Variants in ZC3H4 observed in about 807,000 individuals in gnomAD.
The protein encoded by ZC3H4 is zinc finger CCCH-type containing 4.
In ZC3H4, 13 loss-of-function variants were observed where a neutral mutation model predicts 108.3. That is an observed-to-expected ratio of 0.12 (90% CI 0.08 to 0.19). ZC3H4 has a LOEUF of 0.19. Among genes scored for constraint, ZC3H4 ranks in the 10% least tolerant of loss-of-function variants. The probability of loss-of-function intolerance (pLI) is 1.00; values close to 1 mark genes in which losing one functional copy is unlikely to be tolerated. For missense variants in ZC3H4, 1,734 were observed against 1,838.8 expected, an observed-to-expected ratio of 0.94 and a Z score of 1.04; for synonymous variants, 917 against 749.6, an observed-to-expected ratio of 1.22 and a Z score of -3.65.
intron 2 of ZC3H4, among the ~76,000 whole-genome samples, chr19:47,103,762 T>TAAAAA (rs748735701): frequency 5.9e-4 from 64 of 108,444 alleles, no homozygotes; most frequent in African/African-American, 2.3e-3. Context: ...CCGTCTCTAC[T>TAAAAA]AAAAAAAAAA....
chr19:47,066,623 G>A lies in ZC3H4; in HGVS notation c.3645C>T (p.Tyr1215=), dbSNP rs781407092. The change falls in exon 15 of 15, where the codon TAC becomes TAT. Residue 1215 remains tyrosine, a synonymous_variant. Coordinates refer to ENST00000253048, the MANE Select transcript of ZC3H4 (RefSeq NM_015168.2). ...TGGGCCGGGGCCGGTTGTAGCTGTT[G>A]TATCTGTCCGTGGGGGTGCCCCCAT... The part of the protein sequence containing the change: ...GADGGTPTDR[Y]NSYNRPRPKA... 6 of 1,610,992 alleles carry A rather than the reference G, an allele frequency of 3.7e-6. No homozygotes were observed. The highest frequency in any genetic ancestry group is 2.2e-5 in the East Asian group (1 of 44,834).
chr19:47,087,873 C>CA (rs1044359137), intron 5 of ZC3H4, among the ~76,000 whole-genome samples: 11 of 150,780 alleles, frequency 7.3e-5, no homozygotes, highest in African/African-American at 2.2e-4. Context: ...GACTCTGTCT[C>CA]AAAAAAAATA....
Position 47,090,164 on chromosome 19 carries a change from T to C in ZC3H4, c.518A>G (p.His173Arg). Residue 173 changes from histidine to arginine, a missense_variant, in exon 5 of 15, where the codon CAT becomes CGT. Coordinates refer to ENST00000253048, the MANE Select transcript of ZC3H4 (RefSeq NM_015168.2). Reference sequence around the variant, plus strand: ...TGCCTTCTTGGGCAGGGGCGTGGCATGCGATGGGGGGTACTGCTGGTGGGA... The same window carrying C: ...TGCCTTCTTGGGCAGGGGCGTGGCACGCGATGGGGGGTACTGCTGGTGGGA... ...APSHQQYPPS[H>R]ATPLPKKAYS... 2 of 1,614,146 alleles carry C rather than the reference T, an allele frequency of 1.2e-6. No individual in the cohort carries two copies. Among genetic ancestry groups the C allele is most frequent in the East Asian group, 2.2e-5 (1 of 44,880 alleles).
rs201967618 is a variant in ZC3H4 at position 47,067,202 on chromosome 19, G to A, written c.3066C>T (p.Asn1022=). 2.4e-3 allele frequency: 3,867 copies of A among 1,610,494 alleles called. 8 individuals carry two copies. Among genetic ancestry groups the A allele is most frequent in the Non-Finnish European group, 2.8e-3 (3,260 of 1,178,384 alleles). Residue 1022 remains asparagine (N), a synonymous_variant, in exon 15 of 15, where the codon AAC becomes AAT. Coordinates refer to ENST00000253048, the MANE Select transcript of ZC3H4 (RefSeq NM_015168.2). This position sits in a 1 kb window ranked among gnomAD's most constrained non-coding sequence, Gnocchi z 6.4. ...LHRAATAGPP[N]ARQRPGASTD... ...TGGAGGCGCCCGGGCGCTGCCGGGCGTTGGGGGGCCCTGCCGTGGCAGCGC... is the reference window on the plus strand; with the variant it reads ...TGGAGGCGCCCGGGCGCTGCCGGGCATTGGGGGGCCCTGCCGTGGCAGCGC...
intron 2 of ZC3H4, among the ~76,000 whole-genome samples, chr19:47,107,936 C>G (rs1023670872): frequency 4.6e-5 from 7 of 152,178 alleles, no homozygotes; most frequent in Admixed American, 3.9e-4. Context: ...TTGGCTCCCC[C>G]CAATCAATCT....
Position 47,085,198 on chromosome 19 carries a change from G to A in ZC3H4, c.968-3C>T, listed in dbSNP as rs1220028488. The stretch of plus-strand genomic sequence containing the variant: ...CCTGCCACGGCCTCGACTTAGCCCT[G>A]TGGAGGGGAGATTGTGTGAAGACCT... On this transcript the variant is annotated splice_polypyrimidine_tract_variant and splice_region_variant and intron_variant, in intron 7 of 14. Transcript: ENST00000253048. 6.2e-7 allele frequency: 1 copy of A among 1,601,154 alleles called. No homozygotes were observed.
chr19:47,105,482 C>G (rs537470077), intron 2 of ZC3H4, among the ~76,000 whole-genome samples: 1 of 152,160 alleles, frequency 6.6e-6, no homozygotes, highest in African/African-American at 2.4e-5. Flanking sequence ...CGCCTGTAAT[C>G]CCAGCTACTC....
In ZC3H4 at chr19:47,094,730, GGGAGGACATGGGGGCCAT is replaced by G. The variant is rs2057794009; in HGVS notation, c.162-140_162-123del. 5.5e-6 allele frequency: 5 copies of G among 911,628 alleles called. No individual in the cohort carries two copies. The East Asian group carries it at 1.2e-4, about 22-fold the overall frequency. The allele number at this position is 911,628 out of a possible 1,614,324, so 56.5% of individuals were successfully genotyped here. Reference sequence around the variant, plus strand: ...ACTGCTGTGAGCGAAGTGAGACCCTGGGAGGACATGGGGGCCATGGCCTCTTGTTCCATCCCTTATCCT... The same window carrying G: ...ACTGCTGTGAGCGAAGTGAGACCCTGGGCCTCTTGTTCCATCCCTTATCCT... On this transcript the variant is annotated intron_variant, in intron 2 of 14. Coordinates refer to ENST00000253048, the MANE Select transcript of ZC3H4 (RefSeq NM_015168.2).
In ZC3H4 at chr19:47,072,758, TG is replaced by T. The variant is rs771188880; in HGVS notation, c.1441-46del. On this transcript the variant is annotated intron_variant, in intron 11 of 14. Transcript: ENST00000253048. The surrounding 1 kb of genome is among the most constrained non-coding windows in gnomAD (Gnocchi z 5.6). Reference sequence around the variant, plus strand: ...AAAGAAGGTGTGGACGGGGTCAGGATGGAAACGGACCTCTCCAGGTCTGAGA... The same window carrying T: ...AAAGAAGGTGTGGACGGGGTCAGGATGAAACGGACCTCTCCAGGTCTGAGA... The T allele has an allele frequency of 6.2e-7, 1 of 1,606,902 alleles. No homozygotes were observed. The highest frequency in any genetic ancestry group is 1.1e-5 in the South Asian group (1 of 90,528).
chr19:47,094,530 C>G lies in ZC3H4; in HGVS notation c.240G>C (p.Glu80Asp). The change falls in exon 3 of 15, where the codon GAG (glutamate) becomes GAC (aspartate). Residue 80 changes from glutamate to aspartate, a missense_variant. By Grantham distance (45) the Glu-to-Asp change is conservative. Transcript: ENST00000253048. The stretch of plus-strand genomic sequence containing the variant: ...TCTCCCCCTTTTCTTTCCGGCTTCT[C>G]TCAGGCCCTCCGGAGGTATCCTGGG... ...EETQDTSGGP[E>D]RSRKEKGEKH... 6 of 1,614,246 alleles carry G rather than the reference C, an allele frequency of 3.7e-6. No individual in the cohort carries two copies. Among genetic ancestry groups the G allele is most frequent in the Non-Finnish European group, 5.1e-6 (6 of 1,180,048 alleles).
Position 47,072,030 on chromosome 19 carries a change from T to C in ZC3H4, c.1894A>G (p.Met632Val), listed in dbSNP as rs746427948. ...ATGTCCGGGTGCATGTCGGGGTGCA[T>C]GTCAGGATGCATTGGACCGCCCATT... ...GPMGGPMHPD[M>V]HPDMHPDMHP... Residue 632 changes from methionine to valine, a missense_variant, in exon 13 of 15, where the codon ATG (methionine) becomes GTG (valine). By Grantham distance (21) the Met-to-Val change is conservative (BLOSUM62 1). Around this residue, in one of 9 missense-constraint regions of ZC3H4, gnomAD observed 540 missense variants for 484.1 expected, o/e 1.12. Coordinates refer to ENST00000253048, the MANE Select transcript of ZC3H4 (RefSeq NM_015168.2). The surrounding 1 kb of genome is among the most constrained non-coding windows in gnomAD (Gnocchi z 5.6). The C allele has an allele frequency of 4.4e-6, 7 of 1,579,930 alleles. No individual in the cohort carries two copies. In the African/African-American group the frequency reaches 7.1e-5, roughly 16 times the overall value.
intron 4 of ZC3H4, among the ~76,000 whole-genome samples, chr19:47,092,892 C>A (rs368681967): frequency 8.6e-5 from 13 of 151,846 alleles, no homozygotes; most frequent in Non-Finnish European, 1.5e-4. Context: ...CGGACACCCA[C>A]GTGCCAACGA....
intron 11 of ZC3H4, among the ~76,000 whole-genome samples, chr19:47,077,001 A>T (rs309188): frequency 0.071 from 10,741 of 151,478 alleles, 1,165 homozygotes; most frequent in African/African-American, 0.23. Flanking sequence ...TCAAAAAAAA[A>T]TTTTTTCAAA....
intron 4 of ZC3H4, among the ~76,000 whole-genome samples, chr19:47,090,986 G>T (rs543230757): frequency 6.6e-6 from 1 of 152,204 alleles, no homozygotes; most frequent in Non-Finnish European, 1.5e-5. Context: ...AAGTCAGGGG[G>T]CTGGGCGCGG....
chr19:47,109,021 A>C (rs1239122109), intron 2 of ZC3H4, among the ~76,000 whole-genome samples: 1 of 152,246 alleles, frequency 6.6e-6, no homozygotes, highest in Non-Finnish European at 1.5e-5. Flanking sequence ...ACCCAGAGAA[A>C]ATAAAAATGT....
chr19:47,095,088 G>A (rs2057800171), intron 2 of ZC3H4, among the ~76,000 whole-genome samples: 1 of 152,204 alleles, frequency 6.6e-6, no homozygotes, highest in African/African-American at 2.4e-5. Flanking sequence ...AGGGAGCACA[G>A]ACCCACATCC....
chr19:47,098,010 T>C (rs2057850373), intron 2 of ZC3H4, among the ~76,000 whole-genome samples: 1 of 152,210 alleles, frequency 6.6e-6, no homozygotes, highest in Non-Finnish European at 1.5e-5. Context: ...CGCCTTGCCT[T>C]GAGCCAGTCC....
chr19:47,089,810 C>T (rs961941863), intron 5 of ZC3H4, among the ~76,000 whole-genome samples, 157 bp downstream of exon 5: 6 of 152,230 alleles, frequency 3.9e-5, no homozygotes, highest in African/African-American at 7.2e-5. Flanking sequence ...GTGATCTCTC[C>T]GGTCTCCTGT....
rs766433045 is a variant in ZC3H4, at chr19:47,082,171, C to T, written c.1330+13G>A. The T allele has an allele frequency of 2.5e-6, 4 of 1,607,034 alleles. No homozygotes were observed. Among genetic ancestry groups the T allele is most frequent in the Non-Finnish European group, 3.4e-6 (4 of 1,173,612 alleles). ...CGCCCTCATTCAGACCAGATGCTGGCACTAAAGGATATCGTGCATATAAGG... is the reference window on the plus strand; with the variant it reads ...CGCCCTCATTCAGACCAGATGCTGGTACTAAAGGATATCGTGCATATAAGG... On this transcript the variant is annotated intron_variant, in intron 10 of 14. Coordinates refer to ENST00000253048, the MANE Select transcript of ZC3H4 (RefSeq NM_015168.2).
Sources: gnomAD v4.1 joint callset for allele counts (sites outside exome capture counted in the v4.1 genomes callset) on GRCh38, gnomAD v4.1.1 for gene constraint, gnomAD v4.1.1 regional missense constraint, Gnocchi (gnomAD v3.1) non-coding constraint, MANE v1.5 for transcripts, NCBI Gene and HGNC (gene_info 2026-07-23, HGNC 2026-07-21) for gene names.